Variants in UGGT2 observed in about 807,000 individuals in gnomAD.
UGGT2 encodes the protein UDP-glucose glycoprotein glucosyltransferase 2, also known as UDP-glucose:glycoprotein glucosyltransferase 2.
UGGT2 carries 180 observed loss-of-function variants against 192.1 expected under a neutral mutation model. That is an observed-to-expected ratio of 0.94 (90% CI 0.83 to 1.06). UGGT2 has a LOEUF of 1.06. Among genes scored for constraint, UGGT2 ranks in the 50% least tolerant of loss-of-function variants. The probability of loss-of-function intolerance (pLI) is 0.00; values close to 1 mark genes in which losing one functional copy is unlikely to be tolerated. For synonymous variants in UGGT2, 580 were observed against 591.0 expected, an observed-to-expected ratio of 0.98 and a Z score of 0.27; for missense variants, 1,849 against 1,795.7, an observed-to-expected ratio of 1.03 and a Z score of -0.54.
intron 38 of UGGT2, among the ~76,000 whole-genome samples, chr13:95,823,730 T>C (rs1023214333): frequency 6.6e-6 from 1 of 152,150 alleles, no homozygotes; most frequent in Non-Finnish European, 1.5e-5. Context: ...CTATATCTTT[T>C]AATTGGAGCA....
rs747745025 is a variant in UGGT2 at position 95,853,570 on chromosome 13, A to C, written c.4257T>G (p.Asp1419Glu). 1 of 1,611,994 alleles carries C rather than the reference A, an allele frequency of 6.2e-7. No homozygotes were observed. Among genetic ancestry groups the C allele is most frequent in the Admixed American group, 1.7e-5 (1 of 59,540 alleles). ...LRSQYQALSQ[D>E]PNSLSNLDQD... ...GATCTAGGTTTGAAAGACTGTTTGG[A>C]TCTTGACTGAGAGCTTGATACTGGC... Residue 1419 changes from aspartate (D) to glutamate (E), a missense_variant, in exon 36 of 39, where the codon GAT becomes GAG. Coordinates refer to ENST00000376747, the MANE Select transcript of UGGT2 (RefSeq NM_020121.4).
At chr13:95,932,295 T>C (rs2049308164) in intron 17 of UGGT2, among the ~76,000 whole-genome samples, 1 of 148,434 alleles carries the variant, frequency 6.7e-6, no homozygotes, top group Non-Finnish European at 1.5e-5. Flanking sequence ...GTTAGCTGTA[T>C]TCCTAGGTAT....
chr13:95,873,266 C>T (rs1022266019), intron 29 of UGGT2, among the ~76,000 whole-genome samples: 1 of 152,156 alleles, frequency 6.6e-6, no homozygotes, highest in Non-Finnish European at 1.5e-5. Flanking sequence ...GCCTATTTTG[C>T]TCATTTTCTA....
At chr13:95,872,824 G>A (rs944346762) in intron 29 of UGGT2, among the ~76,000 whole-genome samples, 3 of 152,150 alleles carry the variant, frequency 2.0e-5, no homozygotes, top group Admixed American at 2.0e-4. Context: ...TCTAAATCAT[G>A]TATAGTTTTA....
chr13:95,919,514 CAA>C lies in UGGT2; in HGVS notation c.2295+6164_2295+6165del, dbSNP rs558392973. Among the ~76,000 whole-genome samples the C allele has an allele frequency of 1.2e-3, 190 of 152,320 alleles. 1 individual carries two copies. The highest frequency in any genetic ancestry group is 2.5e-3 in the Non-Finnish European group (167 of 68,022). ...TTCTTAAGCTGATAAGCAACTTTAG[CAA>C]AGTCTCAGGATACAAAATCAATGTG... On this transcript the variant is annotated intron_variant, in intron 20 of 38. Coordinates refer to ENST00000376747, the MANE Select transcript of UGGT2 (RefSeq NM_020121.4).
intron 4 of UGGT2, among the ~76,000 whole-genome samples, chr13:96,017,328 G>A (rs1045533482): frequency 3.9e-5 from 6 of 152,152 alleles, no homozygotes; most frequent in African/African-American, 9.7e-5. Context: ...CCTCCAAATC[G>A]CATGTTGAAA....
chr13:95,810,157 C>T (rs903550884), intron 38 of UGGT2, among the ~76,000 whole-genome samples: 1 of 152,242 alleles, frequency 6.6e-6, no homozygotes. Flanking sequence ...TCATGGCTTT[C>T]TTCTCTGCTT....
chr13:95,853,761 C>A, intron 35 of UGGT2, 104 bp from the exon 36 acceptor site: 1 of 657,628 alleles, frequency 1.5e-6, no homozygotes, highest in East Asian at 3.1e-5. Flanking sequence ...TACAGATATC[C>A]TAGGATCTAA....
At chr13:95,906,127 G>C (rs953959207) in intron 20 of UGGT2, among the ~76,000 whole-genome samples, 2 of 152,020 alleles carry the variant, frequency 1.3e-5, no homozygotes, top group Admixed American at 1.3e-4. Flanking sequence ...GATTATTTTA[G>C]CTACTCTTGG....
At chr13:95,895,428 T>C (rs979195337) in intron 22 of UGGT2, 124 bp from the exon 23 acceptor site, 2 of 574,776 alleles carry the variant, frequency 3.5e-6, no homozygotes, top group Non-Finnish European at 5.4e-6. Flanking sequence ...AAAGATATGG[T>C]AGCTATTAAT....
intron 20 of UGGT2, among the ~76,000 whole-genome samples, chr13:95,924,393 C>CTTTTTTTTTTTTTGTTTTT (rs2048948830): frequency 1.6e-5 from 1 of 63,320 alleles, no homozygotes; most frequent in Non-Finnish European, 3.2e-5. Context: ...TCCCAAACAG[C>CTTTTTTTTTTTTTGTTTTT]TTTTTTTTTT....
rs575852377 is a variant in UGGT2 at position 95,905,156 on chromosome 13, G to A, written c.2296-2096C>T. ...TGTGATGGGGTTGTTTGTTTTTTTC[G>A]TGTAAATTTGTTTGCATTCATTGTA... On this transcript the variant is annotated intron_variant, in intron 20 of 38. Transcript: ENST00000376747. Among the ~76,000 whole-genome samples, 28 of 152,056 alleles carry A rather than the reference G, an allele frequency of 1.8e-4. 1 individual carries two copies. In the East Asian group the frequency reaches 1.9e-3, roughly 11 times the overall value.
At chr13:95,933,575 GTTAT>G (rs1217118525) in intron 17 of UGGT2, among the ~76,000 whole-genome samples, 4 of 151,852 alleles carry the variant, frequency 2.6e-5, no homozygotes, top group African/African-American at 4.8e-5. Context: ...TCTGATTTTA[GTTAT>G]TTCTTTTCTT....
intron 1 of UGGT2, among the ~76,000 whole-genome samples, chr13:96,032,716 C>T (rs900821861): frequency 2.0e-5 from 3 of 152,188 alleles, no homozygotes; most frequent in Non-Finnish European, 4.4e-5. Flanking sequence ...TATTGCCCAC[C>T]TTACCTTTCT....
chr13:95,813,579 G>T (rs1884678432), intron 38 of UGGT2, among the ~76,000 whole-genome samples: 1 of 152,308 alleles, frequency 6.6e-6, no homozygotes, highest in South Asian at 2.1e-4. Context: ...TGTAAAAGTG[G>T]AAAATTTGCA....
intron 17 of UGGT2, among the ~76,000 whole-genome samples, chr13:95,928,459 G>A (rs922157304): frequency 2.0e-4 from 30 of 151,232 alleles, no homozygotes; most frequent in Admixed American, 1.2e-3. Context: ...CTGGGCGGAG[G>A]GGCTCCTCAC....
chr13:95,976,890 A>G (rs1251839090), intron 10 of UGGT2, among the ~76,000 whole-genome samples: 3 of 152,182 alleles, frequency 2.0e-5, no homozygotes, highest in African/African-American at 7.2e-5. Flanking sequence ...CTCAGAAACA[A>G]CACCACACAT....
intron 5 of UGGT2, among the ~76,000 whole-genome samples, chr13:96,004,167 C>CTTTGGA (rs2051895701): frequency 7.2e-6 from 1 of 138,016 alleles, no homozygotes; most frequent in Non-Finnish European, 1.6e-5. Flanking sequence ...GGTATCTAAG[C>CTTTGGA]AACTCTAGGA....
chr13:96,052,881 A>T (rs2053526445), intron 1 of UGGT2, among the ~76,000 whole-genome samples: 1 of 152,246 alleles, frequency 6.6e-6, no homozygotes. Context: ...CGTAAATGCT[A>T]ATACATCCCA....
Sources: allele counts gnomAD v4.1 joint callset (sites outside exome capture counted in the v4.1 genomes callset), GRCh38; gene constraint gnomAD v4.1.1; transcripts MANE v1.5; gene names NCBI Gene and HGNC (gene_info 2026-07-23, HGNC 2026-07-21).